Variants in WFS1 observed in about 807,000 individuals in gnomAD.
WFS1 encodes wolframin ER transmembrane glycoprotein.
A neutral mutation model predicts 68.5 loss-of-function variants in WFS1; 90 were observed. The observed-to-expected ratio is 1.31, with a 90% CI of 1.11 to 1.56. The LOEUF is 1.56. WFS1 is among the 40% of genes most tolerant of loss of function. The pLI, the probability that WFS1 is intolerant of heterozygous loss-of-function variation, is 0.00. For synonymous variants in WFS1, 860 were observed against 540.7 expected (o/e 1.59, Z -8.19); for missense variants, 1,767 against 1,232.6 (o/e 1.43, Z -6.49).
At chr4:6,288,833 A>G in intron 3 of WFS1, 154 bp from the exon 4 acceptor site, 2 of 1,156,322 alleles carry the variant, frequency 1.7e-6, no homozygotes, top group Non-Finnish European at 2.5e-6. Context: ...AGTAGGGCCT[A>G]GCCTAGTGGA....
chr4:6,272,747 C>T (rs147798016), intron 1 of WFS1, among the ~76,000 whole-genome samples: 89 of 152,260 alleles, frequency 5.8e-4, no homozygotes, highest in African/African-American at 2.0e-3. Flanking sequence ...TTTTAGGGGG[C>T]GTTTTCTTCC....
chr4:6,298,039 G>C (rs960589494), intron 7 of WFS1, among the ~76,000 whole-genome samples: 12 of 152,238 alleles, frequency 7.9e-5, no homozygotes, highest in Admixed American at 5.9e-4. Flanking sequence ...CTAGGCAAAA[G>C]AATGTGCATG....
chr4:6,277,547 C>T lies in WFS1; in HGVS notation c.92C>T (p.Ala31Val). The part of the protein sequence containing the change: ...PQARSRLNAT[A>V]SLEQERSERP... ...GCGCGTTCCCGACTCAATGCCACAG[C>T]CTCGTTGGAGCAGGAGAGGAGCGAA... The change falls in exon 2 of 8, where the codon GCC (alanine) becomes GTC (valine). Residue 31 changes from alanine to valine, a missense_variant. By Grantham distance (64) the Ala-to-Val change is moderately conservative. Transcript: ENST00000226760. 1 of 1,590,014 alleles carries T rather than the reference C, an allele frequency of 6.3e-7. No individual in the cohort carries two copies. The highest frequency in any genetic ancestry group is 8.6e-7 in the Non-Finnish European group (1 of 1,168,864).
At chr4:6,295,499 C>A (rs996475308) in intron 7 of WFS1, among the ~76,000 whole-genome samples, 4 of 152,140 alleles carry the variant, frequency 2.6e-5, no homozygotes, top group Non-Finnish European at 5.9e-5. Flanking sequence ...GCGGGCTGGA[C>A]GCAGACTTTC....
chr4:6,279,006 A>G (rs535534318), intron 2 of WFS1, among the ~76,000 whole-genome samples: 1 of 152,298 alleles, frequency 6.6e-6, no homozygotes, highest in Non-Finnish European at 1.5e-5. Context: ...TCGGTCTCCA[A>G]TGTGGGGGTG....
chr4:6,293,499 A>G (rs1730527875), intron 6 of WFS1, among the ~76,000 whole-genome samples: 1 of 146,632 alleles, frequency 6.8e-6, no homozygotes, highest in African/African-American at 2.6e-5. Flanking sequence ...ATGTTATTCC[A>G]CCAAAGCGGC....
In WFS1 at chr4:6,301,231, C is replaced by T; in HGVS notation, c.1436C>T (p.Pro479Leu). The T allele has an allele frequency of 3.7e-6, 6 of 1,611,790 alleles. No individual in the cohort carries two copies. The highest frequency in any genetic ancestry group is 5.1e-6 in the Non-Finnish European group (6 of 1,180,026). Residue 479 changes from proline (P) to leucine (L), a missense_variant, in exon 8 of 8, where the codon CCC (proline) becomes CTC (leucine). Coordinates refer to ENST00000226760, the MANE Select transcript of WFS1 (RefSeq NM_006005.3). ...SLLPSMPLNW[P>L]YLKVLGQTFI... ...CTGCCCTCCATGCCCTTGAATTGGC[C>T]CTACCTGAAGGTCCTTGGCCAGACC...
At position 6,301,210 on chromosome 4, in the gene WFS1, C is replaced by G; in HGVS notation, c.1415C>G (p.Pro472Arg). 1.2e-6 allele frequency: 2 copies of G among 1,612,162 alleles called. No homozygotes were observed. The highest frequency in any genetic ancestry group is 1.7e-6 in the Non-Finnish European group (2 of 1,179,970). Reference protein sequence around the residue: ...EVTAGLLSLLPSMPLNWPYLK... With the variant: ...EVTAGLLSLLRSMPLNWPYLK... ...ACCGCCGGCCTGCTATCGCTGCTGC[C>G]CTCCATGCCCTTGAATTGGCCCTAC... Residue 472 changes from proline (P) to arginine (R), a missense_variant, in exon 8 of 8, where the codon CCC becomes CGC. By Grantham distance (103) the Pro-to-Arg change is moderately radical (BLOSUM62 -2). Coordinates refer to ENST00000226760, the MANE Select transcript of WFS1 (RefSeq NM_006005.3).
At position 6,281,834 on chromosome 4, in the gene WFS1, T is replaced by C. The variant is rs142174837; in HGVS notation, c.232+4147T>C. Among the ~76,000 whole-genome samples, 943 of 152,304 alleles carry C rather than the reference T, an allele frequency of 6.2e-3. 21 individuals carry two copies. Among genetic ancestry groups the C allele is most frequent in the African/African-American group, 0.022 (914 of 41,556 alleles). On this transcript the variant is annotated intron_variant, in intron 2 of 7. Transcript: ENST00000226760. ...CTGGCCCATCTGATTGCTGATGTGC[T>C]CCTGCTGAGCCCCCCACACCACACT...
At position 6,291,791 on chromosome 4, in the gene WFS1, TC is replaced by T. The variant is rs11307794; in HGVS notation, c.632-122del. The T allele has an allele frequency of 3.0e-3, 3,127 of 1,031,990 alleles. 67 individuals are homozygous for T. In the African/African-American group the frequency reaches 0.042, roughly 14 times the overall value. 63.9% of individuals were successfully genotyped at this position (1,031,990 alleles called of 1,614,324 possible). Reference sequence around the variant, plus strand: ...TCTGCCTGCCCTGGGGGCCCTATGATCCCCAGAACGTAGGATGCCCCTGGAA... The same window carrying T: ...TCTGCCTGCCCTGGGGGCCCTATGATCCCAGAACGTAGGATGCCCCTGGAA... On this transcript the variant is annotated intron_variant, in intron 5 of 7. Transcript: ENST00000226760.
In WFS1 at chr4:6,294,603, C is replaced by T. The variant is rs76544106; in HGVS notation, c.713-438C>T. Among the ~76,000 whole-genome samples, 23 of 152,172 alleles carry T rather than the reference C, an allele frequency of 1.5e-4. No homozygotes were observed. The East Asian group carries it at 3.3e-3, about 22-fold the overall frequency. The stretch of plus-strand genomic sequence containing the variant: ...GGGGCGCAGATCATGTTCGATGGAG[C>T]GGTTGGCAGGGTACTGCCCTACAGG... On this transcript the variant is annotated intron_variant, in intron 6 of 7. Transcript: ENST00000226760.
chr4:6,290,866 G>A (rs1383111836), intron 4 of WFS1, among the ~76,000 whole-genome samples: 1 of 152,214 alleles, frequency 6.6e-6, no homozygotes, highest in Non-Finnish European at 1.5e-5. Context: ...CTGACTGTGT[G>A]ACCTTGAGTG....
intron 6 of WFS1, among the ~76,000 whole-genome samples, chr4:6,294,535 T>C (rs1211203822): frequency 6.6e-6 from 1 of 152,036 alleles, no homozygotes; most frequent in Non-Finnish European, 1.5e-5. Context: ...GTTTAGCAGG[T>C]GCACAGTAGG....
chr4:6,286,390 C>T (rs1487204951), intron 2 of WFS1, among the ~76,000 whole-genome samples: 1 of 152,110 alleles, frequency 6.6e-6, no homozygotes, highest in African/African-American at 2.4e-5. Flanking sequence ...AGCCAGAAGA[C>T]CTGAAACAAA....
intron 1 of WFS1, among the ~76,000 whole-genome samples, chr4:6,277,007 C>G (rs755219193): frequency 6.6e-6 from 1 of 152,270 alleles, no homozygotes; most frequent in African/African-American, 2.4e-5. Flanking sequence ...AATACATCTT[C>G]AAAGACCTGT....
At position 6,302,189 on chromosome 4, in the gene WFS1, C is replaced by A. The variant is rs1730963051; in HGVS notation, c.2394C>A (p.Val798=). 1 of 1,612,240 alleles carries A rather than the reference C, an allele frequency of 6.2e-7. No homozygotes were observed. Among genetic ancestry groups the A allele is most frequent in the Non-Finnish European group, 8.5e-7 (1 of 1,179,780 alleles). Residue 798 remains valine (V), a synonymous_variant, in exon 8 of 8, where the codon GTC becomes GTA. Transcript: ENST00000226760. Reference sequence around the variant, plus strand: ...CGCGCAGCCGCGAGGAGGACGACGTCACCAAGGACATCGTGCTGCGGGCCA... The same window carrying A: ...CGCGCAGCCGCGAGGAGGACGACGTAACCAAGGACATCGTGCTGCGGGCCA... ...DGSRSREEDD[V]TKDIVLRASS...
At chr4:6,295,287 C>T (rs964315882) in intron 7 of WFS1, 98 bp downstream of exon 7, 73 of 1,483,162 alleles carry the variant, frequency 4.9e-5, no homozygotes, top group African/African-American at 1.4e-4. Flanking sequence ...TGGGGAGGTT[C>T]GCGCCTAACA....
At position 6,302,506 on chromosome 4, in the gene WFS1, C is replaced by T. The variant is rs1227717575; in HGVS notation, c.*38C>T. 5 of 1,610,170 alleles carry T rather than the reference C, an allele frequency of 3.1e-6. No homozygotes were observed. The highest frequency in any genetic ancestry group is 1.3e-5 in the African/African-American group (1 of 74,952). ...ACGAGGAGCTTCCAGTGCATGTTGC[C>T]ATGAGGCCTTTCCCCAGTGTGGCCC... On this transcript the variant is annotated 3_prime_UTR_variant, in exon 8 of 8. Transcript: ENST00000226760.
At position 6,295,060 on chromosome 4, in the gene WFS1, G is replaced by A. The variant is rs748073548; in HGVS notation, c.732G>A (p.Leu244=). 6 of 1,613,476 alleles carry A rather than the reference G, an allele frequency of 3.7e-6. No individual in the cohort carries two copies. The highest frequency in any genetic ancestry group is 1.3e-5 in the African/African-American group (1 of 74,932). The part of the protein sequence containing the change: ...VSSESKNYIA[L]DDFVEITKKY... ...CTTCAGCCAAGAACTACATCGCGCT[G>A]GATGACTTTGTGGAGATCACTAAGA... The change falls in exon 7 of 8, where the codon CTG becomes CTA. Residue 244 remains leucine (L), a synonymous_variant. Transcript: ENST00000226760.
Sources: gnomAD v4.1 joint callset for allele counts (sites outside exome capture counted in the v4.1 genomes callset) on GRCh38, gnomAD v4.1.1 for gene constraint, MANE v1.5 for transcripts, NCBI Gene and HGNC (gene_info 2026-07-23, HGNC 2026-07-21) for gene names.